Variants in PCED1B observed in about 807,000 individuals in gnomAD.
PCED1B encodes the protein PC-esterase domain-containing protein 1B.
For missense variants in PCED1B, 573 were observed against 573.9 expected (o/e 1.00, Z 0.02); for synonymous variants, 251 against 246.1 (o/e 1.02, Z -0.19).
chr12:47,080,620 A>C (rs1937651295), intron 1 of PCED1B, among the ~76,000 whole-genome samples: 1 of 152,134 alleles, frequency 6.6e-6, no homozygotes. Flanking sequence ...CCCTTTCCTG[A>C]CTCAGGAGGC....
Position 47,216,303 on chromosome 12 carries a change from C to A in PCED1B, c.-444C>A, listed in dbSNP as rs934226319. 23 of 152,334 alleles carry A rather than the reference C, an allele frequency of 1.5e-4. No individual in the cohort carries two copies. The highest frequency in any genetic ancestry group is 3.4e-3 in the Middle Eastern group (1 of 294). 9.4% of individuals were successfully genotyped at this position (152,334 alleles called of 1,614,324 possible). On this transcript the variant is annotated 5_prime_UTR_variant, in exon 3 of 4. The change creates a premature stop within an existing upstream ORF in the 5' untranslated region. Transcript: ENST00000546455. ...TCAAAGGAAGAGTCAAAATAAGCTACACCCAGATTACTGAGAAAGGTGAAA... is the reference window on the plus strand; with the variant it reads ...TCAAAGGAAGAGTCAAAATAAGCTAAACCCAGATTACTGAGAAAGGTGAAA...
chr12:47,115,841 T>C (rs1240827687), intron 2 of PCED1B, among the ~76,000 whole-genome samples: 1 of 152,200 alleles, frequency 6.6e-6, no homozygotes, highest in African/African-American at 2.4e-5. Flanking sequence ...TGAAAAATAA[T>C]TGTATACGAC....
intron 2 of PCED1B, among the ~76,000 whole-genome samples, chr12:47,122,707 G>C (rs1246109622): frequency 2.0e-5 from 3 of 152,132 alleles, no homozygotes; most frequent in African/African-American, 7.2e-5. Flanking sequence ...TGGAAAATAA[G>C]AATTTGAAGA....
chr12:47,155,149 T>C (rs1300165810), intron 2 of PCED1B, among the ~76,000 whole-genome samples: 1 of 152,220 alleles, frequency 6.6e-6, no homozygotes, highest in East Asian at 1.9e-4. Context: ...TCTTATCTTT[T>C]CTGTCAGAGA....
intron 2 of PCED1B, among the ~76,000 whole-genome samples, chr12:47,137,592 G>A (rs1376105634): frequency 1.3e-5 from 2 of 151,788 alleles, no homozygotes; most frequent in Admixed American, 6.6e-5. Context: ...AGCTGGGCAC[G>A]GTGGTGCACT....
At chr12:47,197,565 G>A (rs1017798865) in intron 2 of PCED1B, among the ~76,000 whole-genome samples, 8 of 150,706 alleles carry the variant, frequency 5.3e-5, no homozygotes, top group Admixed American at 1.3e-4. Flanking sequence ...TCCAGATCGC[G>A]CCATTGCACT....
intron 3 of PCED1B, among the ~76,000 whole-genome samples, chr12:47,233,004 A>C (rs1943857517): frequency 6.6e-6 from 1 of 151,932 alleles, no homozygotes; most frequent in African/African-American, 2.4e-5. Context: ...TAGCTGGAAC[A>C]CTGCTTACTG....
At chr12:47,149,578 C>T (rs58519155) in intron 2 of PCED1B, among the ~76,000 whole-genome samples, 3,695 of 152,236 alleles carry the variant, frequency 0.024, 146 homozygotes, top group African/African-American at 0.082. Context: ...AGCCCGTCAA[C>T]CTGAAGAGTG....
chr12:47,211,566 A>G (rs528354989), intron 2 of PCED1B, among the ~76,000 whole-genome samples: 1 of 150,794 alleles, frequency 6.6e-6, no homozygotes, highest in South Asian at 2.1e-4. Flanking sequence ...AGGCAGGAGA[A>G]CTGCTTGAAC....
intron 1 of PCED1B, among the ~76,000 whole-genome samples, chr12:47,091,294 G>T (rs1364787458): frequency 1.3e-5 from 2 of 152,034 alleles, no homozygotes; most frequent in East Asian, 1.9e-4. Context: ...ATTTCCCTGA[G>T]AATTAATAAA....
intron 1 of PCED1B, among the ~76,000 whole-genome samples, chr12:47,081,183 C>A (rs1937697476): frequency 6.6e-6 from 1 of 152,154 alleles, no homozygotes; most frequent in Non-Finnish European, 1.5e-5. Flanking sequence ...ACTGCCTTGA[C>A]AAAAGATGCC....
rs1385247538 is a variant in PCED1B, at chr12:47,235,105, C to A, written c.42C>A (p.His14Gln). 2 of 1,530,238 alleles carry A rather than the reference C, an allele frequency of 1.3e-6. No homozygotes were observed. The highest frequency in any genetic ancestry group is 2.1e-5 in the Admixed American group (1 of 46,890). 94.8% of individuals were successfully genotyped at this position (1,530,238 alleles called of 1,614,324 possible). The change falls in exon 4 of 4, where the codon CAC (histidine) becomes CAA (glutamine). Residue 14 changes from histidine (H) to glutamine (Q), a missense_variant. Coordinates refer to ENST00000546455, the MANE Select transcript of PCED1B (RefSeq NM_138371.3). ...LRASEVRQLLHNKFVVILGDS... is the reference protein window; with the variant it reads ...LRASEVRQLLQNKFVVILGDS... ...CCTCCGAAGTGCGGCAGCTGCTTCA[C>A]AATAAGTTCGTGGTCATCCTGGGGG...
chr12:47,198,871 C>T (rs1444992015), intron 2 of PCED1B, among the ~76,000 whole-genome samples: 1 of 151,632 alleles, frequency 6.6e-6, no homozygotes, highest in Non-Finnish European at 1.5e-5. Context: ...GAGACTGAGA[C>T]AGGATAATCT....
intron 2 of PCED1B, among the ~76,000 whole-genome samples, chr12:47,167,149 G>T (rs555065909): frequency 6.6e-6 from 1 of 152,206 alleles, no homozygotes; most frequent in East Asian, 1.9e-4. Flanking sequence ...TTTAAAGATG[G>T]AAATGTTCTA....
At position 47,235,547 on chromosome 12, in the gene PCED1B, T is replaced by C; in HGVS notation, c.484T>C (p.Trp162Arg). The change falls in exon 4 of 4, where the codon TGG becomes CGG. Residue 162 changes from tryptophan (W) to arginine (R), a missense_variant. Trp to Arg is a moderately radical substitution (Grantham distance 101). Coordinates refer to ENST00000546455, the MANE Select transcript of PCED1B (RefSeq NM_138371.3). ...GCTGCCCGAGTCTTGCCTCCTGGTG[T>C]GGAACACGGCCATGCCTGTGGGCGA... Reference protein sequence around the residue: ...QVLPESCLLVWNTAMPVGEEV... With the variant: ...QVLPESCLLVRNTAMPVGEEV... 1 of 1,610,884 alleles carries C rather than the reference T, an allele frequency of 6.2e-7. No individual in the cohort carries two copies. Among genetic ancestry groups the C allele is most frequent in the Non-Finnish European group, 8.5e-7 (1 of 1,177,944 alleles).
intron 1 of PCED1B, among the ~76,000 whole-genome samples, chr12:47,103,901 T>G (rs1352206917): frequency 6.6e-6 from 1 of 152,246 alleles, no homozygotes; most frequent in Non-Finnish European, 1.5e-5. Flanking sequence ...TGCTCCATTA[T>G]GTGACTTTAA....
chr12:47,181,605 G>T (rs1360661903), intron 2 of PCED1B, among the ~76,000 whole-genome samples: 1 of 151,996 alleles, frequency 6.6e-6, no homozygotes, highest in Non-Finnish European at 1.5e-5. Flanking sequence ...AACCTCAGGT[G>T]ATCTGCCTGC....
At chr12:47,084,050 A>G (rs780056272) in intron 1 of PCED1B, among the ~76,000 whole-genome samples, 2 of 152,178 alleles carry the variant, frequency 1.3e-5, no homozygotes. Flanking sequence ...TTAATTACAG[A>G]ATACAGATGC....
intron 2 of PCED1B, among the ~76,000 whole-genome samples, chr12:47,104,413 A>G (rs1424801374): frequency 6.6e-6 from 1 of 152,224 alleles, no homozygotes; most frequent in Non-Finnish European, 1.5e-5. Context: ...AAATGTTATG[A>G]GCATTAAAAA....
Sources: gnomAD v4.1 joint callset for allele counts (sites outside exome capture counted in the v4.1 genomes callset) on GRCh38, gnomAD v4.1.1 for gene constraint, MANE v1.5 for transcripts, NCBI Gene and HGNC (gene_info 2026-07-23, HGNC 2026-07-21) for gene names.